NOL4: variants seen among roughly 807,000 people sequenced by gnomAD.
NOL4 encodes nucleolar protein 4, also known as cancer/testis antigen 125.
Under a neutral mutation model 75.9 loss-of-function variants are expected in NOL4, and 17 were observed. That is an observed-to-expected ratio of 0.22 (90% CI 0.15 to 0.34). The LOEUF (loss-of-function observed/expected upper bound fraction) is 0.34, where lower values mean the gene tolerates loss of function less well. NOL4 is among the 10% of genes least tolerant of loss of function. The pLI, the probability that NOL4 is intolerant of heterozygous loss-of-function variation, is 1.00. For missense variants in NOL4, 614 were observed against 793.5 expected (o/e 0.77, Z 2.72); for synonymous variants, 292 against 289.9 (o/e 1.01, Z -0.07).
chr18:33,907,531 A>G (rs1448902845), intron 9 of NOL4, among the ~76,000 whole-genome samples: 1 of 152,172 alleles, frequency 6.6e-6, no homozygotes, highest in Non-Finnish European at 1.5e-5. Flanking sequence ...AAAATATTAC[A>G]GCTGTAATAA....
chr18:34,220,945 A>T (rs2037255849), intron 1 of NOL4: 1 of 152,142 alleles, frequency 6.6e-6, no homozygotes, highest in South Asian at 2.1e-4. Context: ...TTCTGCATAA[A>T]TTTTTGACTG....
At chr18:34,149,280 A>G (rs573232372) in intron 1 of NOL4, among the ~76,000 whole-genome samples, 102 of 151,836 alleles carry the variant, frequency 6.7e-4, no homozygotes, top group African/African-American at 2.3e-3. Context: ...ACAATCTGTA[A>G]TACATGAGTA....
At position 33,886,953 on chromosome 18, in the gene NOL4, T is replaced by A. The variant is rs190069285; in HGVS notation, c.1543-3529A>T. Among the ~76,000 whole-genome samples the A allele has an allele frequency of 1.7e-3, 232 of 133,752 alleles. 4 individuals are homozygous for A. Among genetic ancestry groups the A allele is most frequent in the Non-Finnish European group, 2.0e-3 (125 of 64,010 alleles). The allele number at this position is 133,752 out of a possible 152,430, so 87.7% of individuals were successfully genotyped here. ...CTATATATCTATATATCTAGATATATTATATCTAGATATATCTATATACAT... is the reference window on the plus strand; with the variant it reads ...CTATATATCTATATATCTAGATATAATATATCTAGATATATCTATATACAT... On this transcript the variant is annotated intron_variant, in intron 9 of 10. Transcript: ENST00000261592.
chr18:34,159,655 T>G (rs2146161104), intron 1 of NOL4, among the ~76,000 whole-genome samples: 1 of 152,212 alleles, frequency 6.6e-6, no homozygotes, highest in African/African-American at 2.4e-5. Context: ...GTCCTTCTCT[T>G]CTAATTCCCT....
intron 6 of NOL4, among the ~76,000 whole-genome samples, chr18:33,962,197 C>T (rs2070195505): frequency 6.6e-6 from 1 of 152,116 alleles, no homozygotes; most frequent in Non-Finnish European, 1.5e-5. Flanking sequence ...GCCCTGGACC[C>T]TTAAGTTGTA....
chr18:34,220,962 G>A (rs899692001), intron 1 of NOL4: 1 of 151,832 alleles, frequency 6.6e-6, no homozygotes, highest in Admixed American at 6.6e-5. Flanking sequence ...ACTGAAAATA[G>A]TGGTATATGA....
chr18:34,211,878 C>T lies in NOL4; in HGVS notation c.264+11112G>A, dbSNP rs184366032. On this transcript the variant is annotated intron_variant, in intron 1 of 10. Coordinates refer to ENST00000261592, the MANE Select transcript of NOL4 (RefSeq NM_003787.5). ...AAAGAAAAAGACTTGCCAATTACTG[C>T]TATTTTTTATATTCTATTCCCCAAA... Among the ~76,000 whole-genome samples the T allele has an allele frequency of 7.2e-5, 11 of 152,182 alleles. No homozygotes were observed. In the East Asian group the frequency reaches 2.1e-3, roughly 29 times the overall value.
chr18:34,083,555 G>T (rs546466559), intron 5 of NOL4, among the ~76,000 whole-genome samples: 1 of 152,236 alleles, frequency 6.6e-6, no homozygotes, highest in African/African-American at 2.4e-5. Flanking sequence ...ACACACAGAT[G>T]GTTCTGGAAC....
chr18:33,901,319 T>C (rs575133962), intron 9 of NOL4, among the ~76,000 whole-genome samples: 1 of 152,282 alleles, frequency 6.6e-6, no homozygotes, highest in Non-Finnish European at 1.5e-5. Context: ...AAAATGCTCA[T>C]GAGTTAACTT....
chr18:33,937,416 A>G (rs2068129470), intron 9 of NOL4, among the ~76,000 whole-genome samples: 1 of 152,152 alleles, frequency 6.6e-6, no homozygotes, highest in Admixed American at 6.6e-5. Context: ...ACATCTCTAC[A>G]TGTGGCTAAC....
At chr18:34,127,974 A>T (rs1400387485) in intron 2 of NOL4, among the ~76,000 whole-genome samples, 1 of 151,884 alleles carries the variant, frequency 6.6e-6, no homozygotes, top group Non-Finnish European at 1.5e-5. Context: ...TTCTGGACAT[A>T]CTTTCAAAGG....
At position 33,883,411 on chromosome 18, in the gene NOL4, G is replaced by A; in HGVS notation, c.1556C>T (p.Pro519Leu). 2 of 1,606,524 alleles carry A rather than the reference G, an allele frequency of 1.2e-6. No homozygotes were observed. Among genetic ancestry groups the A allele is most frequent in the Non-Finnish European group, 1.7e-6 (2 of 1,177,468 alleles). Residue 519 changes from proline (P) to leucine (L), a missense_variant, in exon 10 of 11, where the codon CCA becomes CTA. Transcript: ENST00000261592. ...RLERQQDESAPADKQCKPEAT... is the reference protein window; with the variant it reads ...RLERQQDESALADKQCKPEAT... ...CTCTGGTTTACACTGTTTGTCAGCTGGAGCAGACTCATCCTGCAAGGACAG... is the reference window on the plus strand; with the variant it reads ...CTCTGGTTTACACTGTTTGTCAGCTAGAGCAGACTCATCCTGCAAGGACAG...
Position 33,914,630 on chromosome 18 carries a change from A to G in NOL4, c.1542+28435T>C, listed in dbSNP as rs1434869245. ...CATGATGGTGAGTTGGAAAAGGACA[A>G]AAGGTAAGAACAGTGTGGGCAGATT... On this transcript the variant is annotated intron_variant, in intron 9 of 10. Transcript: ENST00000261592. Among the ~76,000 whole-genome samples, 8 of 152,098 alleles carry G rather than the reference A, an allele frequency of 5.3e-5. 1 individual carries two copies. The highest frequency in any genetic ancestry group is 5.3e-4 in the Admixed American group (8 of 15,238).
chr18:33,886,776 T>G (rs559388186), intron 9 of NOL4, among the ~76,000 whole-genome samples: 251 of 142,254 alleles, frequency 1.8e-3, no homozygotes, highest in African/African-American at 6.3e-3. Context: ...TATATCTATA[T>G]ATATATATCT....
At chr18:34,189,484 T>G (rs1358532306) in intron 1 of NOL4, among the ~76,000 whole-genome samples, 1 of 152,166 alleles carries the variant, frequency 6.6e-6, no homozygotes, top group East Asian at 1.9e-4. Context: ...CAAAGTTAAT[T>G]TATTCAGCAA....
chr18:34,191,305 T>C (rs2034896067), intron 1 of NOL4, among the ~76,000 whole-genome samples: 1 of 152,178 alleles, frequency 6.6e-6, no homozygotes, highest in South Asian at 2.1e-4. Flanking sequence ...CTATACTATA[T>C]AAAATACATA....
chr18:33,974,213 C>G (rs538216270), intron 6 of NOL4, among the ~76,000 whole-genome samples: 1 of 152,246 alleles, frequency 6.6e-6, no homozygotes, highest in South Asian at 2.1e-4. Flanking sequence ...ACCTTCTGAA[C>G]CAACCTCTAC....
At chr18:34,117,319 C>G (rs748079225) in intron 2 of NOL4, among the ~76,000 whole-genome samples, 1 of 152,124 alleles carries the variant, frequency 6.6e-6, no homozygotes, top group Non-Finnish European at 1.5e-5. Context: ...GGTTTCAAAG[C>G]CTATCACTTT....
chr18:33,882,402 A>C (rs1261201892), intron 10 of NOL4, among the ~76,000 whole-genome samples: 2 of 152,186 alleles, frequency 1.3e-5, no homozygotes, highest in Non-Finnish European at 2.9e-5. Context: ...GAAGGACATG[A>C]ACAGACACTT....
Sources: allele counts gnomAD v4.1 joint callset (sites outside exome capture counted in the v4.1 genomes callset), GRCh38; gene constraint gnomAD v4.1.1; transcripts MANE v1.5; gene names NCBI Gene and HGNC (gene_info 2026-07-23, HGNC 2026-07-21).